The following KCTD19 variants were observed in gnomAD, a reference collection of about 807,000 sequenced individuals.
The protein encoded by KCTD19 is BTB/POZ domain-containing protein KCTD19.
A neutral mutation model predicts 103.5 loss-of-function variants in KCTD19; 67 were observed. The observed-to-expected ratio is 0.65, with a 90% CI of 0.53 to 0.79. The LOEUF is 0.79. Among genes scored for constraint, KCTD19 ranks in the 30% least tolerant of loss-of-function variants. The probability of loss-of-function intolerance (pLI) is 0.00; values close to 1 mark genes in which losing one functional copy is unlikely to be tolerated. For missense variants in KCTD19, 980 were observed against 1,136.1 expected (o/e 0.86, Z 1.98); for synonymous variants, 439 against 452.2 (o/e 0.97, Z 0.37).
intron 15 of KCTD19, among the ~76,000 whole-genome samples, chr16:67,290,108 A>G (rs1259091759): frequency 6.6e-6 from 1 of 151,866 alleles, no homozygotes; most frequent in African/African-American, 2.4e-5. Flanking sequence ...AGATTAAGGA[A>G]TCAGAAAAGG....
chr16:67,293,700 C>T lies in KCTD19; in HGVS notation c.2062G>A (p.Ala688Thr), dbSNP rs140145155. ...SQPSTSAAWKAHSTASEKDPG... is the reference protein window; with the variant it reads ...SQPSTSAAWKTHSTASEKDPG... ...TCCTTCTCTGAGGCTGTGGAATGGGCTTTCCAGGCAGCTGAGGTGCTGGGC... is the reference window on the plus strand; with the variant it reads ...TCCTTCTCTGAGGCTGTGGAATGGGTTTTCCAGGCAGCTGAGGTGCTGGGC... The change falls in exon 12 of 16, where the codon GCC becomes ACC. Residue 688 changes from alanine to threonine, a missense_variant. Physicochemically the swap from Ala to Thr is moderately conservative, Grantham distance 58. Coordinates refer to ENST00000304372, the MANE Select transcript of KCTD19 (RefSeq NM_001100915.3). This position sits in a 1 kb window ranked among gnomAD's most constrained non-coding sequence, Gnocchi z 4.0. The T allele has an allele frequency of 1.1e-4, 181 of 1,614,082 alleles. No individual in the cohort carries two copies. In the African/African-American group the frequency reaches 2.1e-3, roughly 19 times the overall value.
Position 67,299,479 on chromosome 16 carries a change from G to A in KCTD19, c.870C>T (p.Ala290=). 6.2e-7 allele frequency: 1 copy of A among 1,614,194 alleles called. No individual in the cohort carries two copies. The highest frequency in any genetic ancestry group is 2.2e-5 in the East Asian group (1 of 44,882). Residue 290 remains alanine (A), a synonymous_variant, in exon 6 of 16, where the codon GCC becomes GCT. Coordinates refer to ENST00000304372, the MANE Select transcript of KCTD19 (RefSeq NM_001100915.3). ...LESVKPLYTM[A]LGLLVKYPDS... ...CCGGGTACTTGACCAGCAGACCCAG[G>A]GCCATTGTGTAGAGCGGTTTCACGG...
chr16:67,291,499 T>C (rs370446192), intron 13 of KCTD19, 36 bp from the exon 14 acceptor site: 262 of 1,605,436 alleles, frequency 1.6e-4, no homozygotes, highest in Non-Finnish European at 2.2e-4. Flanking sequence ...GCCACATCTG[T>C]CAATAGCTAG....
In KCTD19 at chr16:67,295,402, G is replaced by A; in HGVS notation, c.1252C>T (p.Pro418Ser). ...CTCTGAGGGTTGGACAGCAGTTCTG[G>A]ATACTGGAGGGGGTTGGACACCGGA... is the stretch of plus-strand genomic sequence containing the variant. ...ATTLQTLLKYPELLSNPQRVY... is the reference protein window; with the variant it reads ...ATTLQTLLKYSELLSNPQRVY... The change falls in exon 9 of 16, where the codon CCA becomes TCA. Residue 418 changes from proline to serine, a missense_variant. By Grantham distance (74) the Pro-to-Ser change is moderately conservative (BLOSUM62 -1). Coordinates refer to ENST00000304372, the MANE Select transcript of KCTD19 (RefSeq NM_001100915.3). The A allele has an allele frequency of 6.2e-7, 1 of 1,611,046 alleles. No individual in the cohort carries two copies. Among genetic ancestry groups the A allele is most frequent in the East Asian group, 2.2e-5 (1 of 44,758 alleles).
Position 67,291,192 on chromosome 16 carries a change from C to T in KCTD19, c.2565+117G>A, listed in dbSNP as rs530286299. 4 of 1,330,354 alleles carry T rather than the reference C, an allele frequency of 3.0e-6. No individual in the cohort carries two copies. In the Admixed American group the frequency reaches 9.1e-5, roughly 30 times the overall value. 82.4% of individuals were successfully genotyped at this position (1,330,354 alleles called of 1,614,324 possible). A position where few individuals can be genotyped will look rare whatever the true frequency, so the allele number is the denominator to read the frequency against. ...GTCCCACCACTCTTCTGGCCCTGGC[C>T]TTCTCCTTAACCCCATCTTGGCTTA... is the stretch of plus-strand genomic sequence containing the variant. On this transcript the variant is annotated intron_variant, in intron 14 of 15. Transcript: ENST00000304372.
At chr16:67,305,086 G>A (rs2036878476) in intron 2 of KCTD19, among the ~76,000 whole-genome samples, 1 of 152,132 alleles carries the variant, frequency 6.6e-6, no homozygotes, top group African/African-American at 2.4e-5. Flanking sequence ...TCTGATTTTT[G>A]AAACAAGTTT....
intron 2 of KCTD19, among the ~76,000 whole-genome samples, chr16:67,306,357 C>T (rs2036892850): frequency 6.6e-6 from 1 of 152,156 alleles, no homozygotes; most frequent in African/African-American, 2.4e-5. Context: ...CCTCCGCCTC[C>T]TGGGTTCAAG....
chr16:67,321,483 C>T (rs1170480177), intron 1 of KCTD19, among the ~76,000 whole-genome samples: 9 of 152,102 alleles, frequency 5.9e-5, no homozygotes, highest in Admixed American at 1.3e-4. Flanking sequence ...GTTAAGATGG[C>T]AATAGTCTCC....
chr16:67,297,678 G>T lies in KCTD19; in HGVS notation c.987-15C>A, dbSNP rs1478745113. On this transcript the variant is annotated splice_polypyrimidine_tract_variant and intron_variant, in intron 6 of 15. Transcript: ENST00000304372. ...CCAGCCAGTTCCTGCCCAGAGGAAA[G>T]GTCTGTCATGAAGAACATCAGCATT... 2 of 1,612,476 alleles carry T rather than the reference G, an allele frequency of 1.2e-6. No homozygotes were observed. Among genetic ancestry groups the T allele is most frequent in the Admixed American group, 1.7e-5 (1 of 59,956 alleles).
At chr16:67,308,365 A>C (rs1042297214) in intron 2 of KCTD19, among the ~76,000 whole-genome samples, 2 of 151,774 alleles carry the variant, frequency 1.3e-5, no homozygotes, top group Non-Finnish European at 2.9e-5. Context: ...AGGTCTTGCT[A>C]TGTGGCCCAG....
intron 5 of KCTD19, chr16:67,299,909 C>T (rs1020857277): frequency 3.3e-6 from 1 of 299,506 alleles, no homozygotes; most frequent in African/African-American, 2.2e-5. Context: ...TCTTCTGTAA[C>T]CATCCAAAGG....
intron 8 of KCTD19, 38 bp downstream of exon 8, chr16:67,296,121 T>G: frequency 8.2e-7 from 1 of 1,217,958 alleles, no homozygotes; most frequent in Non-Finnish European, 1.2e-6. Context: ...CAGGTGGTGA[T>G]GCCAGATGGG....
chr16:67,299,471 A>G lies in KCTD19; in HGVS notation c.878T>C (p.Leu293Pro), dbSNP rs1597394566. 1.2e-6 allele frequency: 2 copies of G among 1,614,124 alleles called. No homozygotes were observed. Among genetic ancestry groups the G allele is most frequent in the East Asian group, 4.5e-5 (2 of 44,896 alleles). ...CGCAGAGTCCGGGTACTTGACCAGC[A>G]GACCCAGGGCCATTGTGTAGAGCGG... The part of the protein sequence containing the change: ...VKPLYTMALG[L>P]LVKYPDSALG... Residue 293 changes from leucine to proline, a missense_variant, in exon 6 of 16, where the codon CTG becomes CCG. Leu to Pro is a moderately conservative substitution (Grantham distance 98, BLOSUM62 -3). Transcript: ENST00000304372.
chr16:67,293,642 G>A lies in KCTD19; in HGVS notation c.2120C>T (p.Ala707Val), dbSNP rs372339467. ...GGTTGGCTCTGGCCCCTTGTCTTTC[G>A]CTCCAGCTCCAGCCCCTGCCTGTGG... The part of the protein sequence containing the change: ...PGPQAGAGAG[A>V]KDKGPEPTFK... Residue 707 changes from alanine (A) to valine (V), a missense_variant, in exon 12 of 16, where the codon GCG (alanine) becomes GTG (valine). By Grantham distance (64) the Ala-to-Val change is moderately conservative. Coordinates refer to ENST00000304372, the MANE Select transcript of KCTD19 (RefSeq NM_001100915.3). This position sits in a 1 kb window ranked among gnomAD's most constrained non-coding sequence, Gnocchi z 4.0. The A allele has an allele frequency of 2.9e-5, 47 of 1,613,356 alleles. No individual in the cohort carries two copies. Among genetic ancestry groups the A allele is most frequent in the East Asian group, 2.2e-4 (10 of 44,836 alleles).
chr16:67,302,046 T>C (rs531422011), intron 4 of KCTD19, 124 bp from the exon 5 acceptor site: 1 of 819,436 alleles, frequency 1.2e-6, no homozygotes, highest in South Asian at 1.6e-5. Context: ...TGAAACAACT[T>C]ATCAACATAC....
intron 2 of KCTD19, among the ~76,000 whole-genome samples, chr16:67,318,909 C>T (rs1309376441): frequency 6.6e-6 from 1 of 151,936 alleles, no homozygotes; most frequent in African/African-American, 2.4e-5. Context: ...AAAAATACAA[C>T]AACTTGCCTG....
chr16:67,297,417 C>G, intron 7 of KCTD19, 86 bp downstream of exon 7: 1 of 1,352,208 alleles, frequency 7.4e-7, no homozygotes, highest in East Asian at 2.4e-5. Context: ...TCTACAGTTC[C>G]TCGTCCTGGC....
chr16:67,304,535 G>C lies in KCTD19; in HGVS notation c.337C>G (p.Arg113Gly). 1 of 1,614,036 alleles carries C rather than the reference G, an allele frequency of 6.2e-7. No homozygotes were observed. Among genetic ancestry groups the C allele is most frequent in the Non-Finnish European group, 8.5e-7 (1 of 1,179,892 alleles). The change falls in exon 3 of 16, where the codon CGC (arginine) becomes GGC (glycine). Residue 113 changes from arginine to glycine, a missense_variant. Arg to Gly is a moderately radical substitution (Grantham distance 125). Coordinates refer to ENST00000304372, the MANE Select transcript of KCTD19 (RefSeq NM_001100915.3). ...DNLKEGKHHL[R>G]VRPADLPVAE... Reference sequence around the variant, plus strand: ...ACAGGTAGGTCTGCAGGCCGTACGCGTAGATGGTGTTTCCCTTCCTTCAGG... The same window carrying C: ...ACAGGTAGGTCTGCAGGCCGTACGCCTAGATGGTGTTTCCCTTCCTTCAGG...
At chr16:67,302,022 G>T in intron 4 of KCTD19, 100 bp from the exon 5 acceptor site, 1 of 1,086,284 alleles carries the variant, frequency 9.2e-7, no homozygotes, top group Non-Finnish European at 1.4e-6. Flanking sequence ...ACTTATCCTA[G>T]GTTCTCCTTG....
Sources: allele counts gnomAD v4.1 joint callset (sites outside exome capture counted in the v4.1 genomes callset), GRCh38; gene constraint gnomAD v4.1.1; non-coding constraint Gnocchi (gnomAD v3.1); transcripts MANE v1.5; gene names NCBI Gene and HGNC (gene_info 2026-07-23, HGNC 2026-07-21).